The following DOCK7 variants were observed in gnomAD, a reference collection of about 807,000 sequenced individuals.
DOCK7 encodes dedicator of cytokinesis protein 7.
A neutral mutation model predicts 271.0 loss-of-function variants in DOCK7; 138 were observed. That is an observed-to-expected ratio of 0.51 (90% CI 0.44 to 0.59). The LOEUF (loss-of-function observed/expected upper bound fraction) is 0.59. Ranked by LOEUF, DOCK7 falls within the 20% of genes least tolerant of loss-of-function variation. DOCK7 has a pLI of 0.00. For missense variants in DOCK7, 2,066 were observed against 2,592.4 expected (o/e 0.80, Z 4.41); for synonymous variants, 823 against 876.1 (o/e 0.94, Z 1.07).
chr1:62,651,309 G>T (rs1248620878), intron 4 of DOCK7, among the ~76,000 whole-genome samples: 1 of 120,320 alleles, frequency 8.3e-6, no homozygotes, highest in African/African-American at 3.1e-5. Context: ...GTGGGGGGAG[G>T]GGGAGGGGGA....
chr1:62,485,056 C>T, intron 43 of DOCK7: 1 of 729,162 alleles, frequency 1.4e-6, no homozygotes, highest in Non-Finnish European at 1.7e-6. Context: ...ATCACCTGAA[C>T]TCAGGAGGTG....
At chr1:62,683,739 A>T (rs1661420884) in intron 1 of DOCK7, among the ~76,000 whole-genome samples, 1 of 152,084 alleles carries the variant, frequency 6.6e-6, no homozygotes, top group South Asian at 2.1e-4. Flanking sequence ...GTTCGAGACC[A>T]GCCTGGGCAA....
intron 2 of DOCK7, among the ~76,000 whole-genome samples, chr1:62,657,693 GAAAC>G (rs1415852481): frequency 6.6e-6 from 1 of 151,974 alleles, no homozygotes. Flanking sequence ...TCTCTGTAAA[GAAAC>G]AAAGTCTCGG....
intron 3 of DOCK7, 91 bp from the exon 4 acceptor site, chr1:62,653,884 G>A (rs1267851231): frequency 1.3e-5 from 19 of 1,494,886 alleles, no homozygotes; most frequent in Non-Finnish European, 1.7e-5. Context: ...TTGCGTAACA[G>A]GAAATGATGA....
intron 37 of DOCK7, among the ~76,000 whole-genome samples, chr1:62,500,203 G>A (rs974372033): frequency 1.2e-4 from 18 of 152,202 alleles, no homozygotes; most frequent in Admixed American, 4.6e-4. Context: ...AAATTCTAAT[G>A]AAATATTTTG....
At position 62,513,871 on chromosome 1, in the gene DOCK7, C is replaced by T. The variant is rs1323161929; in HGVS notation, c.3964G>A (p.Ala1322Thr). 1 of 1,613,798 alleles carries T rather than the reference C, an allele frequency of 6.2e-7. No individual in the cohort carries two copies. The highest frequency in any genetic ancestry group is 1.7e-5 in the Admixed American group (1 of 59,968). ...ATCAAAAGGCTTCGACTTGATTCTG[C>T]TGAAAAGGTAGTGTGTTGCCTGCCA... Reference protein sequence around the residue: ...TSGRQHTTFSAESSRSLLICL... With the variant: ...TSGRQHTTFSTESSRSLLICL... Residue 1322 changes from alanine (A) to threonine (T), a missense_variant, in exon 32 of 50, where the codon GCA becomes ACA. Around this residue, in one of 2 missense-constraint regions of DOCK7, gnomAD observed 1,414 missense variants for 1,670.4 expected, o/e 0.85. Transcript: ENST00000635253.
At chr1:62,634,695 C>A in intron 9 of DOCK7, 78 bp downstream of exon 9, 1 of 1,394,960 alleles carries the variant, frequency 7.2e-7, no homozygotes, top group East Asian at 2.4e-5. Flanking sequence ...AAATCTTTGC[C>A]CTTGAAAAGT....
At chr1:62,640,447 G>A (rs933493569) in intron 7 of DOCK7, among the ~76,000 whole-genome samples, 3 of 152,054 alleles carry the variant, frequency 2.0e-5, no homozygotes, top group East Asian at 1.9e-4. Flanking sequence ...ACTTGAACCC[G>A]GGAGGCGGAG....
At chr1:62,624,784 G>A (rs1258267747) in intron 12 of DOCK7, among the ~76,000 whole-genome samples, 1 of 152,028 alleles carries the variant, frequency 6.6e-6, no homozygotes, top group African/African-American at 2.4e-5. Context: ...GACCAGCCTG[G>A]CCAACATTTA....
intron 1 of DOCK7, among the ~76,000 whole-genome samples, chr1:62,682,910 A>G (rs1422950216): frequency 6.6e-6 from 1 of 152,198 alleles, no homozygotes. Context: ...GAGAGGTGGC[A>G]AGAGAGAATT....
At chr1:62,681,717 T>C (rs1216254863) in intron 1 of DOCK7, among the ~76,000 whole-genome samples, 1 of 152,132 alleles carries the variant, frequency 6.6e-6, no homozygotes, top group Admixed American at 6.6e-5. Flanking sequence ...AATGTTCACC[T>C]ACTATAGAAT....
chr1:62,560,614 T>G (rs1296778560), intron 19 of DOCK7, among the ~76,000 whole-genome samples: 1 of 152,144 alleles, frequency 6.6e-6, no homozygotes, highest in Admixed American at 6.6e-5. Flanking sequence ...TCTATCCTTA[T>G]GTATCATGAT....
intron 25 of DOCK7, 152 bp from the exon 26 acceptor site, chr1:62,540,044 C>A (rs189249042): frequency 3.9e-6 from 2 of 518,812 alleles, no homozygotes; most frequent in African/African-American, 2.0e-5. Context: ...AAGTTCCCTA[C>A]AATGTTTTGT....
intron 38 of DOCK7, 182 bp from the exon 39 acceptor site, chr1:62,495,863 T>C (rs2149302123): frequency 2.1e-6 from 1 of 477,110 alleles, no homozygotes; most frequent in Admixed American, 4.2e-5. Flanking sequence ...GTAAACTTTA[T>C]ATAAATTCCT....
intron 37 of DOCK7, among the ~76,000 whole-genome samples, chr1:62,500,672 G>A (rs1646755739): frequency 6.6e-6 from 1 of 152,094 alleles, no homozygotes; most frequent in African/African-American, 2.4e-5. Context: ...ATTTAAAACG[G>A]AGAAAAATAC....
intron 31 of DOCK7, among the ~76,000 whole-genome samples, chr1:62,519,659 T>C (rs1381453901): frequency 2.0e-5 from 3 of 152,012 alleles, no homozygotes; most frequent in African/African-American, 7.2e-5. Flanking sequence ...GGCAATGTGA[T>C]CCTAGAGGCG....
intron 37 of DOCK7, among the ~76,000 whole-genome samples, chr1:62,502,896 T>A (rs1448817426): frequency 1.3e-5 from 2 of 152,168 alleles, no homozygotes; most frequent in African/African-American, 4.8e-5. Flanking sequence ...TCAACTCTTA[T>A]GTTGTATATG....
intron 38 of DOCK7, 98 bp downstream of exon 38, chr1:62,496,241 G>T: frequency 7.5e-7 from 1 of 1,338,040 alleles, no homozygotes; most frequent in Non-Finnish European, 1.1e-6. Context: ...TGAAATAAAT[G>T]ATCCTCCAGC....
At chr1:62,540,849 T>C (rs1019625751) in intron 25 of DOCK7, among the ~76,000 whole-genome samples, 1 of 128,804 alleles carries the variant, frequency 7.8e-6, no homozygotes, top group Non-Finnish European at 1.6e-5. Context: ...TAAAAAACGG[T>C]GAAAATTACA....
Sources: allele counts gnomAD v4.1 joint callset (sites outside exome capture counted in the v4.1 genomes callset), GRCh38; gene constraint gnomAD v4.1.1; regional missense constraint gnomAD v4.1.1; transcripts MANE v1.5; gene names NCBI Gene and HGNC (gene_info 2026-07-23, HGNC 2026-07-21).